The following QRICH1 variants were observed in gnomAD, a reference collection of about 807,000 sequenced individuals.
QRICH1 encodes transcriptional regulator QRICH1.
Under a neutral mutation model 87.1 loss-of-function variants are expected in QRICH1, and 16 were observed. That is an observed-to-expected ratio of 0.18 (90% CI 0.12 to 0.28). QRICH1 has a LOEUF of 0.28. Among genes scored for constraint, QRICH1 ranks in the 10% least tolerant of loss-of-function variants. QRICH1 has a pLI of 1.00. For synonymous variants in QRICH1, 367 were observed against 368.4 expected (o/e 1.00, Z 0.05); for missense variants, 647 against 951.7 (o/e 0.68, Z 4.21).
At chr3:49,069,099 T>C (rs933748605) in intron 2 of QRICH1, among the ~76,000 whole-genome samples, 11 of 85,632 alleles carry the variant, frequency 1.3e-4, no homozygotes, top group Non-Finnish European at 1.9e-4. Flanking sequence ...ATTATTATTA[T>C]TATTATTATT....
chr3:49,066,806 G>A (rs183371082), intron 2 of QRICH1, among the ~76,000 whole-genome samples: 3 of 152,204 alleles, frequency 2.0e-5, no homozygotes, highest in East Asian at 1.9e-4. Flanking sequence ...GGGAGGCCAA[G>A]GCAGGTGGAT....
rs143858176 is a variant in QRICH1, at chr3:49,075,893, T to C, written c.309+816A>G. ...GGGGACAGAGGCAAGAATGCACCAC[T>C]GCACTCCAGCCTGGGTGACAGAATG... On this transcript the variant is annotated intron_variant, in intron 2 of 9. Coordinates refer to ENST00000395443, the MANE Select transcript of QRICH1 (RefSeq NM_198880.3). 1.3e-3 allele frequency among the ~76,000 whole-genome samples: 190 copies of C among 151,944 alleles called. 1 individual carries two copies. Among genetic ancestry groups the C allele is most frequent in the African/African-American group, 4.3e-3 (178 of 41,430 alleles).
At chr3:49,043,858 A>G (rs1322576620) in intron 6 of QRICH1, among the ~76,000 whole-genome samples, 1 of 152,170 alleles carries the variant, frequency 6.6e-6, no homozygotes, top group Non-Finnish European at 1.5e-5. Flanking sequence ...AAACAAAAAT[A>G]GCTGAGCACA....
chr3:49,077,353 G>A (rs1249232941), intron 1 of QRICH1, among the ~76,000 whole-genome samples: 2 of 152,108 alleles, frequency 1.3e-5, no homozygotes, highest in Non-Finnish European at 2.9e-5. Flanking sequence ...GCAGAGCCAA[G>A]CACTGGACAG....
chr3:49,083,638 C>A (rs990485276), intron 1 of QRICH1: 1 of 152,102 alleles, frequency 6.6e-6, no homozygotes, highest in South Asian at 2.1e-4. Context: ...TGGTTCTCGC[C>A]TGTAGTCCCA....
chr3:49,042,424 A>G (rs114176835), intron 6 of QRICH1, among the ~76,000 whole-genome samples: 1 of 152,108 alleles, frequency 6.6e-6, no homozygotes, highest in Non-Finnish European at 1.5e-5. Context: ...TCTTAAAGGC[A>G]TATTGCTAAA....
chr3:49,047,489 T>G (rs1420691795), intron 3 of QRICH1, among the ~76,000 whole-genome samples: 1 of 150,190 alleles, frequency 6.7e-6, no homozygotes, highest in Non-Finnish European at 1.5e-5. Flanking sequence ...GTTTTTTTTT[T>G]TTTTTTTTTT....
At chr3:49,047,548 A>G (rs2093345914) in intron 3 of QRICH1, among the ~76,000 whole-genome samples, 1 of 149,880 alleles carries the variant, frequency 6.7e-6, no homozygotes, top group East Asian at 2.0e-4. Flanking sequence ...CAATGGCGCA[A>G]TCTCAGCTCA....
intron 2 of QRICH1, among the ~76,000 whole-genome samples, chr3:49,060,631 C>G (rs2093429327): frequency 6.6e-6 from 1 of 152,150 alleles, no homozygotes; most frequent in Non-Finnish European, 1.5e-5. Context: ...TACCCAGCCC[C>G]CAGCCTGATT....
At chr3:49,043,867 C>T (rs909171223) in intron 6 of QRICH1, among the ~76,000 whole-genome samples, 18 of 152,008 alleles carry the variant, frequency 1.2e-4, no homozygotes. Flanking sequence ...TAGCTGAGCA[C>T]AGTAGCGCAT....
Position 49,032,676 on chromosome 3 carries a change from T to C in QRICH1, c.1993A>G (p.Ser665Gly). ...GCCTTCAAGTACCGGATACTCGTGC[T>C]TTTATCCTTGGGATTAGAGGGGTTC... ...KKNPSNPKDKSTSIRYLKALG... is the reference protein window; with the variant it reads ...KKNPSNPKDKGTSIRYLKALG... Residue 665 changes from serine to glycine, a missense_variant, in exon 8 of 10, where the codon AGC (serine) becomes GGC (glycine). This residue lies in a region of QRICH1 where 187 missense variants were observed against 309.5 expected (regional missense o/e 0.60). Coordinates refer to ENST00000395443, the MANE Select transcript of QRICH1 (RefSeq NM_198880.3). 1 of 1,612,800 alleles carries C rather than the reference T, an allele frequency of 6.2e-7. No individual in the cohort carries two copies.
chr3:49,031,127 T>C lies in QRICH1; in HGVS notation c.2139-483A>G, dbSNP rs1159737010. Among the ~76,000 whole-genome samples the C allele has an allele frequency of 2.6e-5, 4 of 151,170 alleles. No homozygotes were observed. The East Asian group carries it at 5.9e-4, about 22-fold the overall frequency. ...TCAGCCTCTGGAGTAGCTGGAACCA[T>C]AGGCACGAGCCACCAAGCCCAGCTA... On this transcript the variant is annotated intron_variant, in intron 9 of 9. Transcript: ENST00000395443.
In QRICH1 at chr3:49,055,005, A is replaced by G. The variant is rs554353011; in HGVS notation, c.1338+1857T>C. ...CCCAGTTTGTCTTTGTGTATATGTC[A>G]TAATTATTCTGCCTTATAAATAATT... On this transcript the variant is annotated intron_variant, in intron 3 of 9. Transcript: ENST00000395443. Among the ~76,000 whole-genome samples, 182 of 152,302 alleles carry G rather than the reference A, an allele frequency of 1.2e-3. 1 individual carries two copies. Among genetic ancestry groups the G allele is most frequent in the African/African-American group, 4.0e-3 (168 of 41,578 alleles).
In QRICH1 at chr3:49,057,832, A is replaced by C; in HGVS notation, c.368T>G (p.Leu123Arg). The C allele has an allele frequency of 6.2e-7, 1 of 1,613,978 alleles. No homozygotes were observed. The highest frequency in any genetic ancestry group is 8.5e-7 in the Non-Finnish European group (1 of 1,180,000). ...QQVSAQLSPQ[L>R]TVHQPTEQPI... The stretch of plus-strand genomic sequence containing the variant: ...TTGCTCAGTAGGCTGGTGAACGGTG[A>C]GTTGTGGGGAGAGCTGAGCCGAGAC... The change falls in exon 3 of 10, where the codon CTC becomes CGC. Residue 123 changes from leucine to arginine, a missense_variant. Coordinates refer to ENST00000395443, the MANE Select transcript of QRICH1 (RefSeq NM_198880.3). The surrounding 1 kb of genome is among the most constrained non-coding windows in gnomAD (Gnocchi z 5.4).
intron 3 of QRICH1, among the ~76,000 whole-genome samples, chr3:49,053,081 A>G (rs1037463274): frequency 2.0e-5 from 3 of 152,176 alleles, no homozygotes; most frequent in Admixed American, 2.0e-4. Context: ...CCTCAGGAAC[A>G]TCAACATGTA....
At chr3:49,060,532 G>A (rs1283282277) in intron 2 of QRICH1, among the ~76,000 whole-genome samples, 2 of 152,058 alleles carry the variant, frequency 1.3e-5, no homozygotes, top group East Asian at 2.0e-4. Context: ...GTTTCACCAT[G>A]TTGGCCAGGC....
chr3:49,054,372 C>T (rs776196305), intron 3 of QRICH1, among the ~76,000 whole-genome samples: 6 of 152,186 alleles, frequency 3.9e-5, no homozygotes, highest in Non-Finnish European at 8.8e-5. Context: ...CAATTCTACA[C>T]ACATCTACTT....
rs1347161387 is a variant in QRICH1, at chr3:49,056,900, G to A, written c.1300C>T (p.Pro434Ser). ...TGGAGTTGCTGCTGCTGCTGCTGTG[G>A]TGGTGGTGTCTGTTCCTGGGGAGTT... ...QQTPQEQTPP[P>S]QQQQQQLQVT... The change falls in exon 3 of 10, where the codon CCA (proline) becomes TCA (serine). Residue 434 changes from proline (P) to serine (S), a missense_variant. Pro to Ser is a moderately conservative substitution (Grantham distance 74). Transcript: ENST00000395443. 2 of 1,614,140 alleles carry A rather than the reference G, an allele frequency of 1.2e-6. No homozygotes were observed. The highest frequency in any genetic ancestry group is 2.2e-5 in the South Asian group (2 of 91,086).
chr3:49,046,480 T>C lies in QRICH1; in HGVS notation c.1616A>G (p.Glu539Gly). ...CACATCTGGGTCATAGGGTTCACCT[T>C]CTCCATTTCGAGCTTCCCGTGTCAT... ...CLMTREARNG[E>G]GEPYDPDVLY... Residue 539 changes from glutamate (E) to glycine (G), a missense_variant, in exon 5 of 10, where the codon GAA becomes GGA. Transcript: ENST00000395443. 6.2e-7 allele frequency: 1 copy of C among 1,614,136 alleles called. No homozygotes were observed. Among genetic ancestry groups the C allele is most frequent in the South Asian group, 1.1e-5 (1 of 91,078 alleles).
Sources: gnomAD v4.1 joint callset for allele counts (sites outside exome capture counted in the v4.1 genomes callset) on GRCh38, gnomAD v4.1.1 for gene constraint, gnomAD v4.1.1 regional missense constraint, Gnocchi (gnomAD v3.1) non-coding constraint, MANE v1.5 for transcripts, NCBI Gene and HGNC (gene_info 2026-07-23, HGNC 2026-07-21) for gene names.